The following RSRC1 variants were observed in gnomAD, a reference collection of about 807,000 sequenced individuals.
RSRC1 encodes the protein serine/Arginine-related protein 53.
RSRC1 carries 39 observed loss-of-function variants against 49.1 expected under a neutral mutation model. That is an observed-to-expected ratio of 0.79 (90% CI 0.61 to 1.04). The LOEUF is 1.04. Among genes scored for constraint, RSRC1 ranks in the 50% least tolerant of loss-of-function variants. RSRC1 has a pLI of 0.00. For synonymous variants in RSRC1, 143 were observed against 130.8 expected (o/e 1.09, Z -0.63); for missense variants, 388 against 402.4 (o/e 0.96, Z 0.31).
intron 4 of RSRC1, among the ~76,000 whole-genome samples, chr3:158,208,916 A>G (rs1321571998): frequency 1.3e-5 from 2 of 152,238 alleles, no homozygotes; most frequent in East Asian, 3.9e-4. Context: ...GACCTTCTTT[A>G]CCTACATCTT....
At position 158,274,165 on chromosome 3, in the gene RSRC1, T is replaced by C. The variant is rs1006434474; in HGVS notation, c.495-23874T>C. On this transcript the variant is annotated intron_variant, in intron 4 of 9. Transcript: ENST00000611884. Reference sequence around the variant, plus strand: ...TATAATGAATGAGATTTAAACAGTGTTTTTAATGTTTAGAAATATGAATTT... The same window carrying C: ...TATAATGAATGAGATTTAAACAGTGCTTTTAATGTTTAGAAATATGAATTT... 6.6e-5 allele frequency among the ~76,000 whole-genome samples: 10 copies of C among 152,116 alleles called. No homozygotes were observed. In the South Asian group the frequency reaches 2.1e-3, roughly 31 times the overall value.
At chr3:158,132,478 A>G (rs1195280728) in intron 3 of RSRC1, among the ~76,000 whole-genome samples, 1 of 152,210 alleles carries the variant, frequency 6.6e-6, no homozygotes, top group African/African-American at 2.4e-5. Context: ...ATTATTGGGT[A>G]GAAAGATTGG....
intron 4 of RSRC1, among the ~76,000 whole-genome samples, chr3:158,258,208 C>CTTTTTTTT (rs71144451): frequency 9.1e-5 from 6 of 65,764 alleles, no homozygotes; most frequent in East Asian, 6.3e-4. Context: ...TCCTTTTAAC[C>CTTTTTTTT]TTTTTTTTTT....
At chr3:158,237,321 G>C (rs1449643532) in intron 4 of RSRC1, among the ~76,000 whole-genome samples, 1 of 152,160 alleles carries the variant, frequency 6.6e-6, no homozygotes, top group Non-Finnish European at 1.5e-5. Flanking sequence ...GTCTCTGGAA[G>C]GACATATGTT....
chr3:158,459,838 G>T (rs1211573515), intron 6 of RSRC1, among the ~76,000 whole-genome samples: 1 of 151,818 alleles, frequency 6.6e-6, no homozygotes, highest in Non-Finnish European at 1.5e-5. Context: ...CATTATATAA[G>T]TTTTATACTT....
At chr3:158,518,146 A>ATTTTTTTT (rs1452015549) in intron 7 of RSRC1, among the ~76,000 whole-genome samples, 6 of 69,738 alleles carry the variant, frequency 8.6e-5, no homozygotes, top group South Asian at 4.8e-4. Context: ...ATATATATAT[A>ATTTTTTTT]TATTTTTTTT....
chr3:158,363,024 ATC>A (rs1328578783), intron 6 of RSRC1, among the ~76,000 whole-genome samples: 36 of 152,320 alleles, frequency 2.4e-4, no homozygotes, highest in African/African-American at 8.4e-4. Flanking sequence ...AACTTATAAA[ATC>A]TCTGCATAAC....
chr3:158,528,890 A>T (rs746722825), intron 7 of RSRC1, among the ~76,000 whole-genome samples: 8 of 151,920 alleles, frequency 5.3e-5, no homozygotes, highest in Non-Finnish European at 1.2e-4. Flanking sequence ...GGGACTATGT[A>T]GTGGTTGTTG....
intron 6 of RSRC1, among the ~76,000 whole-genome samples, chr3:158,386,680 A>G (rs1300184999): frequency 6.6e-6 from 1 of 152,094 alleles, no homozygotes; most frequent in Non-Finnish European, 1.5e-5. Flanking sequence ...ATCAGAATCC[A>G]TGTTATTAAC....
chr3:158,527,626 T>C (rs1047058751), intron 7 of RSRC1, among the ~76,000 whole-genome samples: 1 of 151,952 alleles, frequency 6.6e-6, no homozygotes, highest in African/African-American at 2.4e-5. Context: ...AAGTGGTTTT[T>C]CCAATCTTCT....
In RSRC1 at chr3:158,523,892, G is replaced by C. The variant is rs543293948; in HGVS notation, c.653-13200G>C. ...GTATTCTCAATAAGTATTGTTCTTT[G>C]GCCCTCCAGAAAGCTAACAAGAAAA... On this transcript the variant is annotated intron_variant, in intron 7 of 9. Coordinates refer to ENST00000611884, the MANE Select transcript of RSRC1 (RefSeq NM_001271838.2). Among the ~76,000 whole-genome samples the C allele has an allele frequency of 4.6e-5, 7 of 152,096 alleles. No individual in the cohort carries two copies. In the South Asian group the frequency reaches 1.5e-3, roughly 32 times the overall value.
chr3:158,228,749 T>TTA (rs1219750201), intron 4 of RSRC1, among the ~76,000 whole-genome samples: 1 of 151,444 alleles, frequency 6.6e-6, no homozygotes, highest in Non-Finnish European at 1.5e-5. Context: ...GGGCTGTTGT[T>TTA]TATATATGTG....
intron 7 of RSRC1, among the ~76,000 whole-genome samples, chr3:158,476,823 T>C (rs1438389192): frequency 6.6e-6 from 1 of 152,198 alleles, no homozygotes; most frequent in Non-Finnish European, 1.5e-5. Flanking sequence ...AGAGCTGCCA[T>C]AAGCGGTGAT....
intron 7 of RSRC1, 29 bp downstream of exon 7, chr3:158,461,032 G>T (rs1251525304): frequency 2.6e-6 from 4 of 1,522,030 alleles, no homozygotes; most frequent in Non-Finnish European, 3.6e-6. Context: ...TTTTCTCTGA[G>T]AAATCACTAT....
At chr3:158,145,551 G>A (rs1044172361) in intron 3 of RSRC1, among the ~76,000 whole-genome samples, 5 of 152,188 alleles carry the variant, frequency 3.3e-5, no homozygotes, top group African/African-American at 1.2e-4. Context: ...AGTATAGTTT[G>A]AAGTCAGGTA....
intron 3 of RSRC1, among the ~76,000 whole-genome samples, chr3:158,176,188 G>C (rs1167616748): frequency 6.6e-6 from 1 of 152,180 alleles, no homozygotes; most frequent in East Asian, 1.9e-4. Flanking sequence ...CATGCTAATG[G>C]ATAGGAGGAA....
chr3:158,225,824 A>G (rs1470788177), intron 4 of RSRC1: 2 of 341,214 alleles, frequency 5.9e-6, no homozygotes, highest in Non-Finnish European at 1.1e-5. Flanking sequence ...ATAGCATTAT[A>G]TCAGTCAGAG....
At chr3:158,278,036 T>A (rs1204070903) in intron 4 of RSRC1, among the ~76,000 whole-genome samples, 1 of 152,198 alleles carries the variant, frequency 6.6e-6, no homozygotes, top group Non-Finnish European at 1.5e-5. Flanking sequence ...GTCAGAAAAA[T>A]TTCAGTATTG....
intron 6 of RSRC1, among the ~76,000 whole-genome samples, chr3:158,379,054 G>C (rs998826321): frequency 2.0e-5 from 3 of 149,102 alleles, no homozygotes; most frequent in Admixed American, 1.3e-4. Flanking sequence ...CACTTACCTA[G>C]ACCAAGTCAC....
Sources: allele counts gnomAD v4.1 joint callset (sites outside exome capture counted in the v4.1 genomes callset), GRCh38; gene constraint gnomAD v4.1.1; transcripts MANE v1.5; gene names NCBI Gene and HGNC (gene_info 2026-07-23, HGNC 2026-07-21).